The following ARHGEF4 variants were observed in gnomAD, a reference collection of about 807,000 sequenced individuals.
ARHGEF4 encodes the protein Rho guanine nucleotide exchange factor 4.
A neutral mutation model predicts 162.0 loss-of-function variants in ARHGEF4; 119 were observed. The observed-to-expected ratio is 0.73, with a 90% CI of 0.63 to 0.86. The LOEUF (loss-of-function observed/expected upper bound fraction) is 0.86. ARHGEF4 is among the 40% of genes least tolerant of loss of function. The pLI is 0.00. For synonymous variants in ARHGEF4, 1,014 were observed against 979.9 expected, an observed-to-expected ratio of 1.03 and a Z score of -0.65; for missense variants, 2,488 against 2,456.0, an observed-to-expected ratio of 1.01 and a Z score of -0.28.
chr2:130,988,901 T>TATAG (rs1469212068), intron 4 of ARHGEF4, among the ~76,000 whole-genome samples: 133 of 113,346 alleles, frequency 1.2e-3, no homozygotes, highest in South Asian at 3.5e-3. Flanking sequence ...TATATATATA[T>TATAG]AGAGAGAGAG....
intron 4 of ARHGEF4, among the ~76,000 whole-genome samples, chr2:130,962,688 G>T (rs1239594274): frequency 6.6e-6 from 1 of 152,068 alleles, no homozygotes; most frequent in African/African-American, 2.4e-5. Context: ...TATACTAGCT[G>T]GTGTGCTGGA....
At chr2:130,888,511 C>A (rs983639011) in intron 1 of ARHGEF4, among the ~76,000 whole-genome samples, 19 of 151,812 alleles carry the variant, frequency 1.3e-4, no homozygotes, top group African/African-American at 4.6e-4. Context: ...GCTTTCTAGT[C>A]TAGTATTTCA....
At chr2:130,889,868 T>C (rs1679755108) in intron 1 of ARHGEF4, among the ~76,000 whole-genome samples, 1 of 150,278 alleles carries the variant, frequency 6.7e-6, no homozygotes, top group Non-Finnish European at 1.5e-5. Flanking sequence ...ACTGCAAATA[T>C]GCAATTCTGG....
At chr2:130,987,375 C>T (rs761239541) in intron 4 of ARHGEF4, among the ~76,000 whole-genome samples, 17 of 152,252 alleles carry the variant, frequency 1.1e-4, no homozygotes, top group Non-Finnish European at 2.1e-4. Flanking sequence ...CAGACTTTTG[C>T]GGTGAGTGTT....
intron 4 of ARHGEF4, among the ~76,000 whole-genome samples, chr2:131,003,552 G>A (rs1378750781): frequency 6.6e-6 from 1 of 152,212 alleles, no homozygotes; most frequent in African/African-American, 2.4e-5. Flanking sequence ...CTGTGGACAG[G>A]TGGGTGAAAA....
At chr2:130,840,092 G>C in intron 1 of ARHGEF4, among the ~76,000 whole-genome samples, 1 of 152,054 alleles carries the variant, frequency 6.6e-6, no homozygotes, top group East Asian at 1.9e-4. Context: ...GAGTACTGCA[G>C]CAGGAAGCAC....
chr2:131,027,611 A>G (rs191963472), intron 4 of ARHGEF4, among the ~76,000 whole-genome samples: 7 of 152,352 alleles, frequency 4.6e-5, no homozygotes, highest in Admixed American at 1.3e-4. Flanking sequence ...GGCCTATACT[A>G]TAGCCAACAC....
intron 1 of ARHGEF4, among the ~76,000 whole-genome samples, chr2:130,878,412 A>G (rs77540412): frequency 0.017 from 2,613 of 152,272 alleles, 71 homozygotes; most frequent in African/African-American, 0.06. Flanking sequence ...AGAGCATCCT[A>G]TTTGTGACAG....
At chr2:130,860,274 A>T (rs1485271601) in intron 1 of ARHGEF4, among the ~76,000 whole-genome samples, 1 of 10,638 alleles carries the variant, frequency 9.4e-5, no homozygotes, top group Non-Finnish European at 1.5e-4. Flanking sequence ...ATGAAAGCAC[A>T]CATCCACACA....
intron 1 of ARHGEF4, among the ~76,000 whole-genome samples, chr2:130,905,009 G>A (rs1271398398): frequency 6.6e-6 from 1 of 152,236 alleles, no homozygotes; most frequent in African/African-American, 2.4e-5. Context: ...AACATCGGAG[G>A]CAGAGGTTGC....
chr2:130,840,168 C>T (rs1680507537), intron 1 of ARHGEF4, among the ~76,000 whole-genome samples: 1 of 151,936 alleles, frequency 6.6e-6, no homozygotes, highest in Non-Finnish European at 1.5e-5. Context: ...CACAGGCATA[C>T]ACACTTGGGA....
chr2:130,989,368 GT>G lies in ARHGEF4; in HGVS notation c.3986-38570del, dbSNP rs371038474. ...AAATTTGAATGAGATTTTGACTGTA[GT>G]TTTTTTAACCATGTGCTTTGAATCC... On this transcript the variant is annotated intron_variant, in intron 4 of 13. Coordinates refer to ENST00000409359, the MANE Select transcript of ARHGEF4 (RefSeq NM_001367493.1). 3.9e-4 allele frequency among the ~76,000 whole-genome samples: 60 copies of G among 152,198 alleles called. 1 individual carries two copies. The highest frequency in any genetic ancestry group is 1.3e-3 in the African/African-American group (56 of 41,534).
chr2:131,002,549 A>C (rs1457466636), intron 4 of ARHGEF4, among the ~76,000 whole-genome samples: 2 of 152,046 alleles, frequency 1.3e-5, no homozygotes, highest in African/African-American at 4.8e-5. Flanking sequence ...TCTCTACTAA[A>C]AATACAAAAA....
rs866323741 is a variant in ARHGEF4, at chr2:130,887,079, C to T, written c.40-26907C>T. On this transcript the variant is annotated intron_variant, in intron 1 of 13. Coordinates refer to ENST00000409359, the MANE Select transcript of ARHGEF4 (RefSeq NM_001367493.1). ...CTTGAAATCAGGCAGTGTAGTTTCCCAATGTTGTTTTTCTTTTTAAAGGTT... is the reference window on the plus strand; with the variant it reads ...CTTGAAATCAGGCAGTGTAGTTTCCTAATGTTGTTTTTCTTTTTAAAGGTT... 8.6e-5 allele frequency among the ~76,000 whole-genome samples: 13 copies of T among 152,036 alleles called. 1 individual carries two copies. In the Middle Eastern group the frequency reaches 0.01, roughly 119 times the overall value.
intron 1 of ARHGEF4, among the ~76,000 whole-genome samples, chr2:130,911,717 C>G (rs1681197778): frequency 6.6e-6 from 1 of 152,142 alleles, no homozygotes; most frequent in Non-Finnish European, 1.5e-5. Context: ...TTCATTGAGA[C>G]TGAGGGAGGC....
At chr2:131,007,344 C>G (rs1449049193) in intron 4 of ARHGEF4, among the ~76,000 whole-genome samples, 1 of 152,170 alleles carries the variant, frequency 6.6e-6, no homozygotes, top group Non-Finnish European at 1.5e-5. Context: ...TCCATCATAG[C>G]CCTGCAGTTT....
At chr2:130,909,721 G>A (rs1681055614) in intron 1 of ARHGEF4, among the ~76,000 whole-genome samples, 1 of 152,146 alleles carries the variant, frequency 6.6e-6, no homozygotes, top group Non-Finnish European at 1.5e-5. Flanking sequence ...ATTTGGCAGT[G>A]TCACAGGCGC....
intron 4 of ARHGEF4, among the ~76,000 whole-genome samples, chr2:130,997,796 A>G (rs1389406052): frequency 2.0e-5 from 3 of 152,178 alleles, no homozygotes; most frequent in Admixed American, 6.5e-5. Context: ...TATAATGCAA[A>G]TTTCATGTTA....
At chr2:131,007,323 C>T (rs533810603) in intron 4 of ARHGEF4, among the ~76,000 whole-genome samples, 1 of 151,516 alleles carries the variant, frequency 6.6e-6, no homozygotes, top group Admixed American at 6.6e-5. Flanking sequence ...TGTCCCTGTC[C>T]TCTCCTCTCC....
Sources: allele counts gnomAD v4.1 joint callset (sites outside exome capture counted in the v4.1 genomes callset), GRCh38; gene constraint gnomAD v4.1.1; transcripts MANE v1.5; gene names NCBI Gene and HGNC (gene_info 2026-07-23, HGNC 2026-07-21).